MLIP: variants seen among roughly 807,000 people sequenced by gnomAD.
The protein encoded by MLIP is muscular LMNA-interacting protein.
In MLIP, 79 loss-of-function variants were observed where a neutral mutation model predicts 84.8. The ratio of observed to expected loss-of-function variants is 0.93; its 90% CI spans 0.78 to 1.12. The LOEUF (loss-of-function observed/expected upper bound fraction) is 1.12, where lower values mean the gene tolerates loss of function less well. Among genes scored for constraint, MLIP ranks in the 50% most tolerant of loss-of-function variants. The probability of loss-of-function intolerance (pLI) is 0.00; values close to 1 mark genes in which losing one functional copy is unlikely to be tolerated. For missense variants in MLIP, 1,257 were observed against 1,160.6 expected (o/e 1.08, Z -1.21); for synonymous variants, 504 against 463.0 (o/e 1.09, Z -1.14).
chr6:54,190,642 A>G (rs1777816515), intron 10 of MLIP, among the ~76,000 whole-genome samples: 1 of 152,164 alleles, frequency 6.6e-6, no homozygotes. Flanking sequence ...TGGGCAGCAC[A>G]GATCCAGACT....
At chr6:54,163,224 T>G (rs1462463332) in intron 8 of MLIP, among the ~76,000 whole-genome samples, 2 of 151,998 alleles carry the variant, frequency 1.3e-5, no homozygotes, top group African/African-American at 4.8e-5. Context: ...ATTCTTGTTT[T>G]CCTAGATGTA....
chr6:54,165,138 T>C (rs1775045401), intron 8 of MLIP, among the ~76,000 whole-genome samples: 1 of 151,968 alleles, frequency 6.6e-6, no homozygotes, highest in Admixed American at 6.6e-5. Context: ...GCCCAAGTCC[T>C]AGCACTTGCC....
intron 10 of MLIP, among the ~76,000 whole-genome samples, chr6:54,194,455 T>C (rs924860672): frequency 1.3e-5 from 2 of 152,180 alleles, no homozygotes; most frequent in Non-Finnish European, 2.9e-5. Context: ...GTATTGTGTA[T>C]ATTTCATGAA....
rs559460592 is a variant in MLIP, at chr6:54,040,833, A to G, written c.63+21742A>G. The stretch of plus-strand genomic sequence containing the variant: ...GAAGAAACAGAAAACCAAATACTGC[A>G]TGTTCTCACTCATAAGTGGGAAATA... On this transcript the variant is annotated intron_variant, in intron 1 of 12. Coordinates refer to the MLIP transcript ENST00000274897. Among the ~76,000 whole-genome samples, 5 of 152,232 alleles carry G rather than the reference A, an allele frequency of 3.3e-5. No individual in the cohort carries two copies. The South Asian group carries it at 1.0e-3, about 32-fold the overall frequency.
chr6:54,137,549 C>A lies in MLIP; in HGVS notation c.1480C>A (p.Pro494Thr). The change falls in exon 4 of 14, where the codon CCT (proline) becomes ACT (threonine). Residue 494 changes from proline to threonine, a missense_variant. Physicochemically the swap from Pro to Thr is conservative, Grantham distance 38 (BLOSUM62 -1). Coordinates refer to ENST00000502396, the MANE Select transcript of MLIP (RefSeq NM_001281747.2). ...ATTGACCCAGCAATCTTTTCACCTGCCTGTTTTCACCAAGTCTACTCCGCT... is the reference window on the plus strand; with the variant it reads ...ATTGACCCAGCAATCTTTTCACCTGACTGTTTTCACCAAGTCTACTCCGCT... ...SELTQQSFHLPVFTKSTPLSQ... is the reference protein window; with the variant it reads ...SELTQQSFHLTVFTKSTPLSQ... 2 of 1,536,106 alleles carry A rather than the reference C, an allele frequency of 1.3e-6. No homozygotes were observed. Among genetic ancestry groups the A allele is most frequent in the Non-Finnish European group, 1.7e-6 (2 of 1,146,898 alleles).
At chr6:54,055,908 C>T (rs560837351) in intron 1 of MLIP, among the ~76,000 whole-genome samples, 2 of 152,188 alleles carry the variant, frequency 1.3e-5, no homozygotes, top group South Asian at 4.1e-4. Flanking sequence ...GCAATTCCTG[C>T]TTTCATGAAG....
intron 1 of MLIP, among the ~76,000 whole-genome samples, chr6:54,033,574 T>A (rs1038416449): frequency 1.3e-5 from 2 of 151,960 alleles, no homozygotes; most frequent in East Asian, 1.9e-4. Flanking sequence ...TGGAACTAAG[T>A]CTTAAGTCAG....
intron 1 of MLIP, among the ~76,000 whole-genome samples, chr6:54,049,903 A>C (rs1765279686): frequency 6.6e-6 from 1 of 152,162 alleles, no homozygotes; most frequent in African/African-American, 2.4e-5. Flanking sequence ...TATTGTGTAA[A>C]ACTTTATTAT....
chr6:54,053,435 A>G lies in MLIP; in HGVS notation c.63+34344A>G, dbSNP rs550491591. On this transcript the variant is annotated intron_variant, in intron 1 of 12. Transcript: ENST00000274897. ...AATTATCTTTTTTCTCCTACTTCTC[A>G]TTCTGGGAAAATGCAATATAAAGTT... 1.1e-4 allele frequency among the ~76,000 whole-genome samples: 17 copies of G among 152,230 alleles called. No individual in the cohort carries two copies. The South Asian group carries it at 3.3e-3, about 30-fold the overall frequency.
intron 1 of MLIP, among the ~76,000 whole-genome samples, chr6:54,063,996 T>C (rs1452120193): frequency 2.0e-5 from 1 of 50,494 alleles, no homozygotes; most frequent in African/African-American, 3.3e-5. Flanking sequence ...ATTATTCTTG[T>C]TTGGATTTTT....
intron 1 of MLIP, chr6:54,083,374 G>A: frequency 1.9e-6 from 2 of 1,050,734 alleles, no homozygotes; most frequent in Middle Eastern, 5.6e-4. Context: ...AATAACAGAT[G>A]CATTGCTATT....
intron 1 of MLIP, chr6:54,083,479 C>T: frequency 2.6e-6 from 4 of 1,532,092 alleles, no homozygotes; most frequent in Non-Finnish European, 3.5e-6. Context: ...CAGCAGCTGA[C>T]ACAGGCAAGT....
chr6:54,171,519 C>T (rs757064989), intron 9 of MLIP, among the ~76,000 whole-genome samples: 3 of 151,570 alleles, frequency 2.0e-5, no homozygotes, highest in East Asian at 1.9e-4. Context: ...CGCCAACTCT[C>T]GGGTTAGTCA....
intron 1 of MLIP, among the ~76,000 whole-genome samples, chr6:54,062,778 A>C (rs1766038879): frequency 6.6e-6 from 1 of 152,242 alleles, no homozygotes; most frequent in South Asian, 2.1e-4. Context: ...AAACATAAGG[A>C]AAAAGTAAAG....
In MLIP at chr6:54,247,664, A is replaced by G. The variant is rs978501516; in HGVS notation, c.2923-9644A>G. 3.9e-5 allele frequency among the ~76,000 whole-genome samples: 6 copies of G among 152,278 alleles called. No homozygotes were observed. The East Asian group carries it at 7.7e-4, about 20-fold the overall frequency. On this transcript the variant is annotated intron_variant, in intron 12 of 13. Transcript: ENST00000502396. ...TGTGGGAATGGAGGAATGTGGCCCA[A>G]TGCCAGGAAGATGGGTCTGGCAGGC...
intron 10 of MLIP, among the ~76,000 whole-genome samples, chr6:54,190,855 G>A (rs2068735306): frequency 6.6e-6 from 1 of 150,878 alleles, no homozygotes; most frequent in Non-Finnish European, 1.5e-5. Flanking sequence ...GAGTGCAGTG[G>A]TGCGATCTCG....
At chr6:54,081,774 G>T (rs1157753152) in intron 1 of MLIP, among the ~76,000 whole-genome samples, 2 of 152,036 alleles carry the variant, frequency 1.3e-5, no homozygotes, top group East Asian at 3.9e-4. Flanking sequence ...CAGACTTTTG[G>T]ATACCCATGA....
At chr6:54,141,118 T>C (rs2150497270) in intron 4 of MLIP, among the ~76,000 whole-genome samples, 1 of 152,316 alleles carries the variant, frequency 6.6e-6, no homozygotes, top group East Asian at 1.9e-4. Context: ...AACCATAGTA[T>C]GCTGAGCTAA....
intron 10 of MLIP, 48 bp from the exon 11 acceptor site, chr6:54,202,057 A>G (rs1176850241): frequency 5.2e-6 from 7 of 1,350,696 alleles, no homozygotes. Context: ...GTTCATTTTA[A>G]TAGTGTTTTT....
Sources: allele counts gnomAD v4.1 joint callset (sites outside exome capture counted in the v4.1 genomes callset), GRCh38; gene constraint gnomAD v4.1.1; transcripts MANE v1.5; gene names NCBI Gene and HGNC (gene_info 2026-07-23, HGNC 2026-07-21).